The following PRKCA variants were observed in gnomAD, a reference collection of about 807,000 sequenced individuals.
PRKCA encodes the protein protein kinase C alpha, also known as protein kinase C alpha type.
A neutral mutation model predicts 87.0 loss-of-function variants in PRKCA; 27 were observed. That is an observed-to-expected ratio of 0.31 (90% CI 0.23 to 0.43). PRKCA has a LOEUF of 0.43. Among genes scored for constraint, PRKCA ranks in the 20% least tolerant of loss-of-function variants. PRKCA has a pLI of 1.00. For missense variants in PRKCA, 518 were observed against 852.3 expected (o/e 0.61, Z 4.88); for synonymous variants, 329 against 311.1 (o/e 1.06, Z -0.61).
intron 5 of PRKCA, among the ~76,000 whole-genome samples, chr17:66,671,038 C>T (rs1268792532): frequency 1.3e-5 from 2 of 150,478 alleles, no homozygotes; most frequent in Non-Finnish European, 3.0e-5. Context: ...AGCAAAACCC[C>T]ATCTCTACTA....
At chr17:66,537,764 T>C (rs1446308809) in intron 3 of PRKCA, among the ~76,000 whole-genome samples, 1 of 152,186 alleles carries the variant, frequency 6.6e-6, no homozygotes, top group Admixed American at 6.6e-5. Context: ...GAGTAAGAGA[T>C]TGCTTTGTAT....
At chr17:66,434,679 G>A (rs2143844736) in intron 2 of PRKCA, among the ~76,000 whole-genome samples, 1 of 152,244 alleles carries the variant, frequency 6.6e-6, no homozygotes. Context: ...ATGTGGCCTT[G>A]GAGTCAGATT....
intron 3 of PRKCA, among the ~76,000 whole-genome samples, chr17:66,607,143 G>A (rs1038779367): frequency 1.3e-5 from 2 of 151,978 alleles, no homozygotes; most frequent in Admixed American, 6.5e-5. Context: ...TATTTCAATC[G>A]GTAAAAATCA....
chr17:66,637,138 G>A (rs916044787), intron 3 of PRKCA, among the ~76,000 whole-genome samples: 2 of 152,098 alleles, frequency 1.3e-5, no homozygotes, highest in Admixed American at 1.3e-4. Context: ...TGGCTGTTGC[G>A]TGAGTAAGCC....
intron 3 of PRKCA, among the ~76,000 whole-genome samples, chr17:66,588,046 A>G (rs1969678095): frequency 6.6e-6 from 1 of 151,722 alleles, no homozygotes; most frequent in South Asian, 2.1e-4. Context: ...TAGCTTTGGC[A>G]ACTTGCTCTG....
rs995588115 is a variant in PRKCA, at chr17:66,806,417, C to A, written c.*2380C>A. On this transcript the variant is annotated 3_prime_UTR_variant, in exon 17 of 17. Transcript: ENST00000413366. Reference sequence around the variant, plus strand: ...ATCGAGACTCCAGGGGGTCCTGGCTCCCCTGTCCCTGCAGCCCTGCAGGTC... The same window carrying A: ...ATCGAGACTCCAGGGGGTCCTGGCTACCCTGTCCCTGCAGCCCTGCAGGTC... 1 of 152,186 alleles carries A rather than the reference C, an allele frequency of 6.6e-6. No individual in the cohort carries two copies. Among genetic ancestry groups the A allele is most frequent in the Non-Finnish European group, 1.5e-5 (1 of 68,104 alleles). The allele number at this position is 152,186 out of a possible 1,614,324, so 9.4% of individuals were successfully genotyped here. A position where few individuals can be genotyped will look rare whatever the true frequency, so the allele number is the denominator to read the frequency against.
chr17:66,328,068 T>C (rs1056359571), intron 2 of PRKCA, among the ~76,000 whole-genome samples: 2 of 152,230 alleles, frequency 1.3e-5, no homozygotes, highest in Admixed American at 6.5e-5. Flanking sequence ...CCTGAGAAGA[T>C]AACATTTTTC....
At chr17:66,387,924 T>C (rs1910150692) in intron 2 of PRKCA, among the ~76,000 whole-genome samples, 1 of 152,250 alleles carries the variant, frequency 6.6e-6, no homozygotes, top group Non-Finnish European at 1.5e-5. Context: ...CAGGCTTAAC[T>C]ATGCTGTCCC....
intron 3 of PRKCA, among the ~76,000 whole-genome samples, chr17:66,574,423 G>A (rs1037595815): frequency 1.3e-5 from 2 of 152,148 alleles, no homozygotes; most frequent in African/African-American, 4.8e-5. Flanking sequence ...CTGTCTCAGA[G>A]TGTTTTTATG....
intron 5 of PRKCA, among the ~76,000 whole-genome samples, chr17:66,656,442 A>G (rs1598850141): frequency 2.0e-5 from 3 of 152,246 alleles, no homozygotes. Flanking sequence ...TGAGCAGGTC[A>G]TTCTTGTGCA....
At chr17:66,476,382 C>G (rs55865367) in intron 2 of PRKCA, among the ~76,000 whole-genome samples, 32,751 of 152,170 alleles carry the variant, frequency 0.22, 3,916 homozygotes, top group African/African-American at 0.31. Context: ...CTTCCTGCCA[C>G]TGTCCTGGTC....
intron 8 of PRKCA, among the ~76,000 whole-genome samples, chr17:66,716,042 T>C (rs1184454548): frequency 6.6e-6 from 1 of 152,360 alleles, no homozygotes; most frequent in South Asian, 2.1e-4. Context: ...TTCTTGGCTT[T>C]AGAGGATCTT....
chr17:66,302,745 G>A lies in PRKCA; in HGVS notation c.-107G>A. On this transcript the variant is annotated 5_prime_UTR_variant, in exon 1 of 17. Transcript: ENST00000413366. ...GACCTCGGCCACCGGCCCGCGCCCC[G>A]CGCCCGGGGTCGCCCCGAGCCCGCA... 6.7e-6 allele frequency: 6 copies of A among 894,368 alleles called. No homozygotes were observed. Among genetic ancestry groups the A allele is most frequent in the Non-Finnish European group, 8.3e-6 (6 of 727,030 alleles). The allele number at this position is 894,368 out of a possible 1,614,324, so 55.4% of individuals were successfully genotyped here. A position where few individuals can be genotyped will look rare whatever the true frequency, so the allele number is the denominator to read the frequency against.
chr17:66,761,135 G>T (rs1310564547), intron 13 of PRKCA, among the ~76,000 whole-genome samples: 1 of 152,114 alleles, frequency 6.6e-6, no homozygotes, highest in East Asian at 1.9e-4. Flanking sequence ...ACTTTGGGAG[G>T]CCGAGGTGGG....
chr17:66,734,848 C>T (rs1973986240), intron 9 of PRKCA, among the ~76,000 whole-genome samples: 2 of 151,940 alleles, frequency 1.3e-5, no homozygotes, highest in African/African-American at 2.4e-5. Flanking sequence ...CACCTGGTTT[C>T]TACTTCCTTA....
At chr17:66,703,548 A>C (rs918677309) in intron 8 of PRKCA, 3 of 152,224 alleles carry the variant, frequency 2.0e-5, no homozygotes, top group African/African-American at 7.2e-5. Context: ...AATCCCAGCA[A>C]GTTTGCCAGG....
At chr17:66,426,211 G>C (rs1912796310) in intron 2 of PRKCA, among the ~76,000 whole-genome samples, 1 of 152,160 alleles carries the variant, frequency 6.6e-6, no homozygotes, top group Non-Finnish European at 1.5e-5. Flanking sequence ...ACGATGATCA[G>C]ACAGTCCAGC....
chr17:66,440,623 T>C (rs1029586202), intron 2 of PRKCA, among the ~76,000 whole-genome samples: 1 of 152,110 alleles, frequency 6.6e-6, no homozygotes, highest in Non-Finnish European at 1.5e-5. Context: ...ACCGGGGTGT[T>C]ACCTAGTCTG....
intron 3 of PRKCA, among the ~76,000 whole-genome samples, chr17:66,623,591 G>A (rs1970756115): frequency 6.6e-6 from 1 of 152,134 alleles, no homozygotes; most frequent in South Asian, 2.1e-4. Context: ...TGATGCAGTG[G>A]CCCTCTTTTG....
Sources: gnomAD v4.1 joint callset for allele counts (sites outside exome capture counted in the v4.1 genomes callset) on GRCh38, gnomAD v4.1.1 for gene constraint, MANE v1.5 for transcripts, NCBI Gene and HGNC (gene_info 2026-07-23, HGNC 2026-07-21) for gene names.